Variants in MROH1 observed in about 807,000 individuals in gnomAD.
MROH1 encodes maestro heat-like repeat-containing protein family member 1.
Under a neutral mutation model 116.5 loss-of-function variants are expected in MROH1, and 117 were observed. That is an observed-to-expected ratio of 1.00 (90% CI 0.86 to 1.17). MROH1 has a LOEUF of 1.17. Ranked by LOEUF, MROH1 falls within the 50% of genes most tolerant of loss-of-function variation. The pLI, the probability that MROH1 is intolerant of heterozygous loss-of-function variation, is 0.00. For synonymous variants in MROH1, 921 were observed against 583.9 expected (o/e 1.58, Z -8.32); for missense variants, 1,873 against 1,338.5 (o/e 1.40, Z -6.23).
chr8:144,255,051 T>G, intron 34 of MROH1, 73 bp downstream of exon 34: 1 of 680,844 alleles, frequency 1.5e-6, no homozygotes, highest in Non-Finnish European at 2.7e-6. Flanking sequence ...GGGGCAGGCC[T>G]TTTGATGAGG....
rs373241974 is a variant in MROH1 at position 144,180,395 on chromosome 8, G to A, written c.464-30G>A. On this transcript the variant is annotated intron_variant, in intron 6 of 43. Transcript: ENST00000326134. This position sits in a 1 kb window ranked among gnomAD's most constrained non-coding sequence, Gnocchi z 7.4. ...AGCACGGGGCGCTGGAAGCCTTGGC[G>A]GAGGCCTTTGACGGTGTCCTCTCTC... is the stretch of plus-strand genomic sequence containing the variant. 13 of 1,611,908 alleles carry A rather than the reference G, an allele frequency of 8.1e-6. No individual in the cohort carries two copies. Among genetic ancestry groups the A allele is most frequent in the African/African-American group, 6.7e-5 (5 of 74,932 alleles).
At chr8:144,154,317 A>G (rs1278002964) in intron 1 of MROH1, among the ~76,000 whole-genome samples, 4 of 152,266 alleles carry the variant, frequency 2.6e-5, no homozygotes, top group East Asian at 1.9e-4. Flanking sequence ...ATCCGCAGCT[A>G]TAGACCTCAG....
At chr8:144,148,667 C>T (rs1408419346) in intron 1 of MROH1, 1 of 152,732 alleles carries the variant, frequency 6.5e-6, no homozygotes. Flanking sequence ...GCGTGCCGGG[C>T]ATAGCGCTGG....
intron 14 of MROH1, among the ~76,000 whole-genome samples, chr8:144,226,625 G>A (rs1837880389): frequency 6.6e-6 from 1 of 152,180 alleles, no homozygotes; most frequent in South Asian, 2.1e-4. Flanking sequence ...TCTAAGTTTT[G>A]TATTTTCAGT....
intron 39 of MROH1, 110 bp downstream of exon 39, chr8:144,260,484 TG>T (rs1207877338): frequency 4.3e-6 from 3 of 698,054 alleles, no homozygotes; most frequent in African/African-American, 1.7e-5. Context: ...CTCGGCTAGG[TG>T]ACCGTGGAGA....
rs2131927278 is a variant in MROH1 at position 144,203,575 on chromosome 8, C to T, written c.1141+3034C>T. Among the ~76,000 whole-genome samples, 3 of 152,110 alleles carry T rather than the reference C, an allele frequency of 2.0e-5. No individual in the cohort carries two copies. The South Asian group carries it at 6.2e-4, about 32-fold the overall frequency. On this transcript the variant is annotated intron_variant, in intron 12 of 43. Transcript: ENST00000326134. ...CTCTGGAGGGGAAGAGAGAGAAGCG[C>T]AGGCTCTCTGTGGAGGGCCTGAGAG...
intron 1 of MROH1, among the ~76,000 whole-genome samples, chr8:144,157,677 C>CTTTTTTTTTTT (rs1164415639): frequency 1.2e-4 from 14 of 117,938 alleles, no homozygotes; most frequent in African/African-American, 1.4e-4. Context: ...TTCTTTCTTT[C>CTTTTTTTTTTT]TTTTTTTTTT....
At chr8:144,172,022 C>T (rs1822578272) in intron 4 of MROH1, among the ~76,000 whole-genome samples, 1 of 152,224 alleles carries the variant, frequency 6.6e-6, no homozygotes, top group Admixed American at 6.5e-5. Flanking sequence ...ACAAAACAGA[C>T]TCCTTGTAGC....
chr8:144,257,877 A>T (rs1844197168), intron 35 of MROH1, among the ~76,000 whole-genome samples: 1 of 152,204 alleles, frequency 6.6e-6, no homozygotes, highest in African/African-American at 2.4e-5. Context: ...GCGGGGGCCT[A>T]AGTGTGAGGT....
chr8:144,211,732 A>G (rs1834138764), intron 12 of MROH1, among the ~76,000 whole-genome samples: 1 of 147,330 alleles, frequency 6.8e-6, no homozygotes, highest in Non-Finnish European at 1.5e-5. Flanking sequence ...ATCTCAAAAA[A>G]AAAAAAAAGA....
At chr8:144,195,126 T>C (rs1374415817) in intron 10 of MROH1, among the ~76,000 whole-genome samples, 3 of 137,248 alleles carry the variant, frequency 2.2e-5, no homozygotes, top group Non-Finnish European at 4.6e-5. Context: ...GCCCAGGAGG[T>C]TGAGGCTGCA....
At chr8:144,257,868 C>T (rs1219036642) in intron 35 of MROH1, among the ~76,000 whole-genome samples, 1 of 152,230 alleles carries the variant, frequency 6.6e-6, no homozygotes, top group Non-Finnish European at 1.5e-5. Context: ...CCAAAGGCGG[C>T]GGGGGCCTAA....
At chr8:144,237,163 C>T (rs1044506245) in intron 14 of MROH1, among the ~76,000 whole-genome samples, 12 of 152,204 alleles carry the variant, frequency 7.9e-5, no homozygotes, top group Non-Finnish European at 1.3e-4. Context: ...ACTCGGCCTC[C>T]GAAAGTGCTG....
At chr8:144,150,299 A>G (rs1439299018) in intron 1 of MROH1, among the ~76,000 whole-genome samples, 1 of 152,246 alleles carries the variant, frequency 6.6e-6, no homozygotes, top group Non-Finnish European at 1.5e-5. Context: ...TGTGCTATGT[A>G]GGGAGAGAAG....
chr8:144,191,282 C>T (rs1828523526), intron 8 of MROH1, among the ~76,000 whole-genome samples: 1 of 152,172 alleles, frequency 6.6e-6, no homozygotes, highest in Non-Finnish European at 1.5e-5. Flanking sequence ...GTTGGCCAGG[C>T]TGGTCTCGAA....
At chr8:144,151,247 CAAAAAA>C (rs1160118892) in intron 1 of MROH1, among the ~76,000 whole-genome samples, 8 of 22,964 alleles carry the variant, frequency 3.5e-4, no homozygotes, top group African/African-American at 7.7e-4. Context: ...TATTCTGTCT[CAAAAAA>C]AAAAAAAAAA....
In MROH1 at chr8:144,167,184, G is replaced by A. The variant is rs544076149; in HGVS notation, c.23-1111G>A. 4.0e-4 allele frequency among the ~76,000 whole-genome samples: 60 copies of A among 151,060 alleles called. No individual in the cohort carries two copies. The South Asian group carries it at 9.7e-3, about 24-fold the overall frequency. On this transcript the variant is annotated intron_variant, in intron 3 of 43. Transcript: ENST00000326134. ...AGGGTCTTGTTGGGGTGGAGTGGCC[G>A]GTTGTTGGGGTGGAGTGGCCAGATG...
In MROH1 at chr8:144,261,728, G is replaced by A. The variant is rs1278164893; in HGVS notation, c.4914G>A (p.Val1638=). Residue 1638 remains valine (V), a synonymous_variant, in exon 44 of 44, where the codon GTG becomes GTA. Transcript: ENST00000326134. The part of the protein sequence containing the change: ...TRAAEALGRL[V]KLA The stretch of plus-strand genomic sequence containing the variant: ...CTGCTGAGGCCCTGGGCCGCCTGGT[G>A]AAGCTCGCCTAAGGCTCCGGCCAGC... 5 of 716,602 alleles carry A rather than the reference G, an allele frequency of 7.0e-6. No homozygotes were observed. Among genetic ancestry groups the A allele is most frequent in the African/African-American group, 1.7e-5 (1 of 57,606 alleles). 44.4% of individuals were successfully genotyped at this position (716,602 alleles called of 1,614,324 possible).
At position 144,250,268 on chromosome 8, in the gene MROH1, C is replaced by A. The variant is rs1244248978; in HGVS notation, c.3330C>A (p.His1110Gln). The A allele has an allele frequency of 3.9e-6, 3 of 767,508 alleles. No homozygotes were observed. Among genetic ancestry groups the A allele is most frequent in the Admixed American group, 3.4e-5 (2 of 58,486 alleles). 47.5% of individuals were successfully genotyped at this position (767,508 alleles called of 1,614,324 possible). The change falls in exon 33 of 44, where the codon CAC (histidine) becomes CAA (glutamine). Residue 1110 changes from histidine to glutamine, a missense_variant. Physicochemically the swap from His to Gln is conservative, Grantham distance 24 (BLOSUM62 0). Transcript: ENST00000326134. Reference sequence around the variant, plus strand: ...AGCTTCAGGAGGCCCAGGGAGAGCACGTCCTGCCGGCCGCCCAGCACAGCG... The same window carrying A: ...AGCTTCAGGAGGCCCAGGGAGAGCAAGTCCTGCCGGCCGCCCAGCACAGCG... Reference protein sequence around the residue: ...RSKLQEAQGEHVLPAAQHSVY... With the variant: ...RSKLQEAQGEQVLPAAQHSVY...
Sources: allele counts gnomAD v4.1 joint callset (sites outside exome capture counted in the v4.1 genomes callset), GRCh38; gene constraint gnomAD v4.1.1; non-coding constraint Gnocchi (gnomAD v3.1); transcripts MANE v1.5; gene names NCBI Gene and HGNC (gene_info 2026-07-23, HGNC 2026-07-21).